Variants in TTC8 observed in about 807,000 individuals in gnomAD.
The protein encoded by TTC8 is tetratricopeptide repeat protein 8.
TTC8 carries 47 observed loss-of-function variants against 72.5 expected under a neutral mutation model. That is an observed-to-expected ratio of 0.65 (90% CI 0.51 to 0.83). The LOEUF (loss-of-function observed/expected upper bound fraction) is 0.83, where lower values mean the gene tolerates loss of function less well. TTC8 is among the 40% of genes least tolerant of loss of function. The pLI is 0.00. For synonymous variants in TTC8, 199 were observed against 221.4 expected, an observed-to-expected ratio of 0.90 and a Z score of 0.90; for missense variants, 611 against 623.2, an observed-to-expected ratio of 0.98 and a Z score of 0.21.
Position 88,869,667 on chromosome 14 carries a change from C to T in TTC8, c.910-392C>T, listed in dbSNP as rs538019257. ...CTCATACATTTGCTCTTCCCTCTGC[C>T]CAGAGTGAGCTTCCCCCAGATATGC... On this transcript the variant is annotated intron_variant, in intron 10 of 14. Transcript: ENST00000380656. Among the ~76,000 whole-genome samples the T allele has an allele frequency of 3.9e-5, 6 of 152,204 alleles. No individual in the cohort carries two copies. The South Asian group carries it at 1.2e-3, about 32-fold the overall frequency.
intron 3 of TTC8, among the ~76,000 whole-genome samples, chr14:88,839,934 A>G (rs1245880299): frequency 6.6e-6 from 1 of 152,234 alleles, no homozygotes; most frequent in Non-Finnish European, 1.5e-5. Flanking sequence ...TGTCTAATAT[A>G]TCAGAATATT....
intron 10 of TTC8, among the ~76,000 whole-genome samples, chr14:88,865,206 G>C (rs544891958): frequency 6.6e-6 from 1 of 152,238 alleles, no homozygotes; most frequent in African/African-American, 2.4e-5. Flanking sequence ...TGTTATTCTA[G>C]AGGTCTTCAA....
At chr14:88,850,180 T>A (rs2094827049) in intron 7 of TTC8, among the ~76,000 whole-genome samples, 1 of 152,222 alleles carries the variant, frequency 6.6e-6, no homozygotes, top group Non-Finnish European at 1.5e-5. Context: ...TTAAAAATTT[T>A]AAGGTTAATA....
chr14:88,829,910 A>G (rs1451830674), intron 1 of TTC8, among the ~76,000 whole-genome samples: 3 of 152,174 alleles, frequency 2.0e-5, no homozygotes, highest in Non-Finnish European at 4.4e-5. Context: ...CTTTGGGGCC[A>G]TGGAGACTTA....
intron 6 of TTC8, among the ~76,000 whole-genome samples, chr14:88,842,828 A>G (rs1269849640): frequency 6.6e-6 from 1 of 152,310 alleles, no homozygotes; most frequent in African/African-American, 2.4e-5. Flanking sequence ...TGGGGTGTCT[A>G]GGGTGACTCT....
intron 7 of TTC8, among the ~76,000 whole-genome samples, chr14:88,849,741 C>T (rs752344916): frequency 5.3e-5 from 8 of 152,062 alleles, no homozygotes; most frequent in Non-Finnish European, 8.8e-5. Context: ...AGACAGAGAA[C>T]GCCATGCAGT....
At chr14:88,833,853 C>A (rs1595932048) in intron 2 of TTC8, 131 bp downstream of exon 2, 3 of 767,876 alleles carry the variant, frequency 3.9e-6, no homozygotes, top group East Asian at 2.6e-5. Context: ...ATCTGTCAGA[C>A]ATTCTGTGCC....
intron 6 of TTC8, 97 bp from the exon 7 acceptor site, chr14:88,843,709 G>A (rs2094792749): frequency 2.6e-6 from 2 of 771,392 alleles, no homozygotes; most frequent in Non-Finnish European, 4.2e-6. Flanking sequence ...AGATGGATAG[G>A]CCCTTTTATC....
chr14:88,852,421 G>A (rs1215829938), intron 7 of TTC8, among the ~76,000 whole-genome samples: 1 of 152,198 alleles, frequency 6.6e-6, no homozygotes, highest in East Asian at 1.9e-4. Flanking sequence ...TTAAGGTGAT[G>A]TCAGAAAAGT....
At chr14:88,832,779 T>G (rs995580714) in intron 1 of TTC8, among the ~76,000 whole-genome samples, 3 of 152,238 alleles carry the variant, frequency 2.0e-5, no homozygotes, top group African/African-American at 7.2e-5. Context: ...TTAGGAAATC[T>G]ATACTTTTTC....
At chr14:88,859,554 T>A (rs772218017) in intron 9 of TTC8, among the ~76,000 whole-genome samples, 6 of 151,802 alleles carry the variant, frequency 4.0e-5, no homozygotes, top group Admixed American at 6.6e-5. Context: ...AAATAACTAA[T>A]GGGTAGTAGG....
chr14:88,825,765 GA>G (rs1165354420), intron 1 of TTC8, among the ~76,000 whole-genome samples: 3 of 152,174 alleles, frequency 2.0e-5, no homozygotes, highest in African/African-American at 7.2e-5. Context: ...GCCTGAGTGT[GA>G]ATGCTGTTAC....
rs1353069534 is a variant in TTC8, at chr14:88,843,832, T to C, written c.606T>C (p.His202=). The C allele has an allele frequency of 1.3e-6, 2 of 1,596,378 alleles. No individual in the cohort carries two copies. Among genetic ancestry groups the C allele is most frequent in the Non-Finnish European group, 8.6e-7 (1 of 1,168,658 alleles). ...AKALFEYIFH[H]ENDVKTALDL... ...CTTTGTTTGAGTATATCTTTCATCATGAAAATGATGTTAAGACTGTAAGTT... is the reference window on the plus strand; with the variant it reads ...CTTTGTTTGAGTATATCTTTCATCACGAAAATGATGTTAAGACTGTAAGTT... Residue 202 remains histidine, a synonymous_variant, in exon 7 of 15, where the codon CAT becomes CAC. Coordinates refer to ENST00000380656, the MANE Select transcript of TTC8 (RefSeq NM_144596.4).
intron 1 of TTC8, among the ~76,000 whole-genome samples, chr14:88,826,785 T>G (rs1403233397): frequency 6.6e-6 from 1 of 152,202 alleles, no homozygotes; most frequent in Middle Eastern, 3.2e-3. Flanking sequence ...GCCATTTTAA[T>G]TTTTCCATTG....
chr14:88,838,687 G>T (rs1334917731), intron 2 of TTC8, among the ~76,000 whole-genome samples: 1 of 152,128 alleles, frequency 6.6e-6, no homozygotes, highest in Non-Finnish European at 1.5e-5. Flanking sequence ...AAATTGAATG[G>T]TGTACATGTT....
chr14:88,875,921 A>C (rs1342817114), intron 14 of TTC8, among the ~76,000 whole-genome samples: 1 of 151,802 alleles, frequency 6.6e-6, no homozygotes, highest in Non-Finnish European at 1.5e-5. Flanking sequence ...CGCCTTCCTC[A>C]CTCATTTTTT....
chr14:88,858,970 G>A (rs1047589020), intron 9 of TTC8, among the ~76,000 whole-genome samples: 1 of 151,744 alleles, frequency 6.6e-6, no homozygotes, highest in Non-Finnish European at 1.5e-5. Flanking sequence ...TGAAATTAAG[G>A]CTCAAGTCAC....
chr14:88,836,507 A>C (rs1482041986), intron 2 of TTC8, among the ~76,000 whole-genome samples: 2 of 151,630 alleles, frequency 1.3e-5, no homozygotes, highest in Non-Finnish European at 2.9e-5. Context: ...AAAAAAAAAA[A>C]AGTTCCTATT....
At chr14:88,833,289 A>G (rs930681222) in intron 1 of TTC8, among the ~76,000 whole-genome samples, 4 of 152,164 alleles carry the variant, frequency 2.6e-5, no homozygotes, top group Admixed American at 2.6e-4. Context: ...GGTTTGTGTT[A>G]TGTGGATTTT....
Sources: gnomAD v4.1 joint callset for allele counts (sites outside exome capture counted in the v4.1 genomes callset) on GRCh38, gnomAD v4.1.1 for gene constraint, MANE v1.5 for transcripts, NCBI Gene and HGNC (gene_info 2026-07-23, HGNC 2026-07-21) for gene names.